The following ZNF654 variants were observed in gnomAD, a reference collection of about 807,000 sequenced individuals.
ZNF654 encodes zinc finger protein 654.
A neutral mutation model predicts 95.3 loss-of-function variants in ZNF654; 19 were observed. That is an observed-to-expected ratio of 0.20 (90% CI 0.14 to 0.29). The LOEUF (loss-of-function observed/expected upper bound fraction) is 0.29. Ranked by LOEUF, ZNF654 falls within the 10% of genes least tolerant of loss-of-function variation. The pLI is 1.00. For missense variants in ZNF654, 1,046 were observed against 1,341.0 expected (o/e 0.78, Z 3.44); for synonymous variants, 413 against 457.9 (o/e 0.90, Z 1.25).
chr3:88,096,427 TA>T (rs1704063241), intron 2 of ZNF654, among the ~76,000 whole-genome samples: 1 of 151,966 alleles, frequency 6.6e-6, no homozygotes, highest in South Asian at 2.1e-4. Context: ...AGCAGAGGGG[TA>T]AGGGGAGAAA....
intron 2 of ZNF654, 122 bp downstream of exon 2, chr3:88,086,524 A>AT: frequency 1.1e-6 from 1 of 900,228 alleles, no homozygotes; most frequent in Non-Finnish European, 1.5e-6. Context: ...AGAAATGTTT[A>AT]TTTTTTTCAC....
At chr3:88,086,022 A>G (rs1708320128) in intron 1 of ZNF654, among the ~76,000 whole-genome samples, 1 of 152,212 alleles carries the variant, frequency 6.6e-6, no homozygotes, top group Non-Finnish European at 1.5e-5. Context: ...AAACATTGGT[A>G]GTTGAATAGT....
At chr3:88,118,225 T>G (rs1406417722) in intron 3 of ZNF654, among the ~76,000 whole-genome samples, 1 of 152,140 alleles carries the variant, frequency 6.6e-6, no homozygotes, top group African/African-American at 2.4e-5. Context: ...TAGGCCTTAA[T>G]AAAGCCTTCT....
intron 1 of ZNF654, among the ~76,000 whole-genome samples, chr3:88,077,697 A>G (rs1229549936): frequency 6.6e-6 from 1 of 151,090 alleles, no homozygotes. Flanking sequence ...AATACTTACT[A>G]TTTTTATGTA....
intron 2 of ZNF654, 147 bp from the exon 3 acceptor site, chr3:88,112,965 CATA>C: frequency 1.9e-6 from 1 of 533,026 alleles, no homozygotes; most frequent in South Asian, 2.8e-5. Context: ...TTACAGAAAA[CATA>C]ATATGAATTC....
chr3:88,133,151 C>T (rs114992491), intron 6 of ZNF654, among the ~76,000 whole-genome samples: 1,649 of 152,180 alleles, frequency 0.011, 18 homozygotes, highest in African/African-American at 0.038. Context: ...ATCACTTTCC[C>T]GCCCCTGAAT....
chr3:88,100,024 A>G (rs1004208555), intron 2 of ZNF654, among the ~76,000 whole-genome samples: 19 of 152,244 alleles, frequency 1.2e-4, no homozygotes, highest in African/African-American at 4.1e-4. Flanking sequence ...AACTACCATC[A>G]CAGTGAACAG....
At chr3:88,095,829 T>C (rs2107694845) in intron 2 of ZNF654, 1 of 457,094 alleles carries the variant, frequency 2.2e-6, no homozygotes, top group Non-Finnish European at 4.2e-6. Flanking sequence ...TTCCCAAGTA[T>C]TGTGCTCCTC....
intron 4 of ZNF654, among the ~76,000 whole-genome samples, chr3:88,127,286 G>C (rs965535014): frequency 9.2e-5 from 14 of 152,016 alleles, no homozygotes; most frequent in Non-Finnish European, 4.4e-5. Context: ...AAGGGGTTAG[G>C]GTGGGTTGTG....
intron 2 of ZNF654, among the ~76,000 whole-genome samples, chr3:88,104,684 C>T (rs1163200051): frequency 2.0e-5 from 3 of 152,072 alleles, no homozygotes; most frequent in East Asian, 3.8e-4. Flanking sequence ...AGAGTAACCG[C>T]TAAAAACAGG....
At chr3:88,064,439 A>C (rs1231675180) in intron 1 of ZNF654, among the ~76,000 whole-genome samples, 1 of 152,050 alleles carries the variant, frequency 6.6e-6, no homozygotes, top group Non-Finnish European at 1.5e-5. Flanking sequence ...GTCTTCAGAG[A>C]ATTAGGAGTT....
chr3:88,105,016 T>C (rs1295116664), intron 2 of ZNF654, among the ~76,000 whole-genome samples: 1 of 152,234 alleles, frequency 6.6e-6, no homozygotes. Flanking sequence ...GGCGCGCGCC[T>C]GTAATCCCAG....
Position 88,141,729 on chromosome 3 carries a change from G to C in ZNF654, c.*77G>C. On this transcript the variant is annotated 3_prime_UTR_variant, in exon 9 of 9. Transcript: ENST00000636215. ...CTATAAGAAAATGCATCATCAGTTT[G>C]CTATTTCCCTGATGGCCTTAATTTT... 1 of 1,179,386 alleles carries C rather than the reference G, an allele frequency of 8.5e-7. No homozygotes were observed. The highest frequency in any genetic ancestry group is 1.5e-5 in the African/African-American group (1 of 65,554). The allele number at this position is 1,179,386 out of a possible 1,614,324, so 73.1% of individuals were successfully genotyped here. A position where few individuals can be genotyped will look rare whatever the true frequency, so the allele number is the denominator to read the frequency against.
Position 88,129,751 on chromosome 3 carries a change from A to G in ZNF654, c.818A>G (p.Lys273Arg). The G allele has an allele frequency of 6.5e-7, 1 of 1,529,268 alleles. No homozygotes were observed. 94.7% of individuals were successfully genotyped at this position (1,529,268 alleles called of 1,614,324 possible). A position where few individuals can be genotyped will look rare whatever the true frequency, so the allele number is the denominator to read the frequency against. The change falls in exon 6 of 9, where the codon AAA becomes AGA. Residue 273 changes from lysine to arginine, a missense_variant. Around this residue, in one of 9 missense-constraint regions of ZNF654, gnomAD observed 121 missense variants for 141.7 expected, o/e 0.85. Transcript: ENST00000636215. ...DIICNAEKEG[K>R]TMLALQLCES... ...ATCTGTAATGCTGAAAAAGAAGGCA[A>G]AACTATGTTAGCCTTGCAACTCTGT...
chr3:88,082,109 G>A (rs1332600309), intron 1 of ZNF654, among the ~76,000 whole-genome samples: 2 of 151,808 alleles, frequency 1.3e-5, no homozygotes, highest in Non-Finnish European at 2.9e-5. Context: ...ATTGTGACAC[G>A]TCTTCTGGTT....
At chr3:88,136,719 C>T (rs746373063) in intron 7 of ZNF654, among the ~76,000 whole-genome samples, 9 of 152,040 alleles carry the variant, frequency 5.9e-5, no homozygotes, top group Middle Eastern at 3.4e-3. Context: ...GAGTGGTTGT[C>T]GGAGATACTT....
At chr3:88,122,257 G>A (rs1367989516) in intron 3 of ZNF654, among the ~76,000 whole-genome samples, 1 of 152,176 alleles carries the variant, frequency 6.6e-6, no homozygotes. Context: ...TTTGGGAGAT[G>A]TGGAAGAGAC....
rs1707005677 is a variant in ZNF654 at position 88,139,781 on chromosome 3, G to T, written c.2112G>T (p.Glu704Asp). ...TECGDDYEEE[E>D]DEEGDYEEDD... ...GTGGGGATGATTATGAGGAGGAAGA[G>T]GATGAAGAAGGTGATTATGAAGAAG... Residue 704 changes from glutamate to aspartate, a missense_variant, in exon 8 of 9, where the codon GAG becomes GAT. This residue lies in a region of ZNF654 where 495 missense variants were observed against 537.0 expected (regional missense o/e 0.92). Coordinates refer to ENST00000636215, the MANE Select transcript of ZNF654 (RefSeq NM_001350134.2). 1.9e-6 allele frequency: 3 copies of T among 1,554,482 alleles called. No homozygotes were observed. Among genetic ancestry groups the T allele is most frequent in the Middle Eastern group, 1.7e-4 (1 of 5,990 alleles).
intron 6 of ZNF654, among the ~76,000 whole-genome samples, chr3:88,132,422 G>A (rs974796598): frequency 2.6e-5 from 4 of 152,150 alleles, no homozygotes; most frequent in African/African-American, 7.2e-5. Context: ...AAAGGAAAAC[G>A]TGTATAAGCT....
Sources: gnomAD v4.1 joint callset for allele counts (sites outside exome capture counted in the v4.1 genomes callset) on GRCh38, gnomAD v4.1.1 for gene constraint, gnomAD v4.1.1 regional missense constraint, MANE v1.5 for transcripts, NCBI Gene and HGNC (gene_info 2026-07-23, HGNC 2026-07-21) for gene names.